Variants in ITIH2 observed in about 807,000 individuals in gnomAD.
The protein encoded by ITIH2 is inter-alpha-trypsin inhibitor heavy chain 2.
A neutral mutation model predicts 104.4 loss-of-function variants in ITIH2; 103 were observed. The observed-to-expected ratio is 0.99, with a 90% CI of 0.84 to 1.16. ITIH2 has a LOEUF of 1.16. Among genes scored for constraint, ITIH2 ranks in the 50% most tolerant of loss-of-function variants. The pLI is 0.00. For missense variants in ITIH2, 1,108 were observed against 1,162.4 expected, an observed-to-expected ratio of 0.95 and a Z score of 0.68; for synonymous variants, 436 against 435.4, an observed-to-expected ratio of 1.00 and a Z score of -0.02.
chr10:7,705,924 G>A (rs765636089), intron 2 of ITIH2, among the ~76,000 whole-genome samples: 8 of 151,980 alleles, frequency 5.3e-5, no homozygotes, highest in African/African-American at 1.5e-4. Flanking sequence ...CAATCCTGGC[G>A]GCCACCAGCA....
In ITIH2 at chr10:7,727,020, A is replaced by G; in HGVS notation, c.1055A>G (p.Asn352Ser). The change falls in exon 10 of 21, where the codon AAC (asparagine) becomes AGC (serine). Residue 352 changes from asparagine to serine, a missense_variant. Physicochemically the swap from Asn to Ser is conservative, Grantham distance 46. Coordinates refer to ENST00000358415, the MANE Select transcript of ITIH2 (RefSeq NM_002216.3). ...AEDHFSVIDF[N>S]QNIRTWRNDL... ...GACCATTTCTCTGTGATTGATTTCAACCAGAACATTCGAACTTGGAGAAAT... is the reference window on the plus strand; with the variant it reads ...GACCATTTCTCTGTGATTGATTTCAGCCAGAACATTCGAACTTGGAGAAAT... 1 of 1,614,040 alleles carries G rather than the reference A, an allele frequency of 6.2e-7. No homozygotes were observed. The highest frequency in any genetic ancestry group is 8.5e-7 in the Non-Finnish European group (1 of 1,179,886).
intron 12 of ITIH2, among the ~76,000 whole-genome samples, chr10:7,730,606 GC>G (rs1264301560): frequency 1.3e-5 from 2 of 152,152 alleles, no homozygotes; most frequent in Non-Finnish European, 2.9e-5. Flanking sequence ...GATCACTCGA[GC>G]CCAGAGGTTT....
intron 16 of ITIH2, among the ~76,000 whole-genome samples, chr10:7,741,573 G>A (rs988259308): frequency 6.6e-6 from 1 of 152,200 alleles, no homozygotes; most frequent in Non-Finnish European, 1.5e-5. Flanking sequence ...CTGGAGGTGT[G>A]AACTGAACAT....
Position 7,738,721 on chromosome 10 carries a change from G to A in ITIH2, c.2058G>A (p.Gln686=). The A allele has an allele frequency of 3.7e-6, 6 of 1,613,490 alleles. No individual in the cohort carries two copies. Among genetic ancestry groups the A allele is most frequent in the Non-Finnish European group, 4.2e-6 (5 of 1,179,714 alleles). ...TCTCCATGCTGGCACAAGGATCTCA[G>A]GTGCTAGAGTCCACGCCACCCCCAC... ...PVISMLAQGS[Q]VLESTPPPHV... Residue 686 remains glutamine, a synonymous_variant, in exon 16 of 21, where the codon CAG becomes CAA. Coordinates refer to ENST00000358415, the MANE Select transcript of ITIH2 (RefSeq NM_002216.3).
intron 20 of ITIH2, among the ~76,000 whole-genome samples, chr10:7,748,248 A>ATG (rs1491140023): frequency 1.9e-4 from 4 of 20,614 alleles, no homozygotes; most frequent in Non-Finnish European, 5.4e-4. Flanking sequence ...ATATGTATAC[A>ATG]TATATATATA....
chr10:7,724,725 G>A (rs1834937129), intron 9 of ITIH2, among the ~76,000 whole-genome samples: 1 of 151,990 alleles, frequency 6.6e-6, no homozygotes, highest in Non-Finnish European at 1.5e-5. Flanking sequence ...GTCATTCCTT[G>A]TTGTAGGAGG....
intron 15 of ITIH2, 94 bp from the exon 16 acceptor site, chr10:7,738,527 A>G: frequency 7.2e-7 from 1 of 1,395,706 alleles, no homozygotes; most frequent in Non-Finnish European, 1.0e-6. Context: ...AGCTGACAAT[A>G]CCTGGGGGTG....
chr10:7,727,109 C>G lies in ITIH2; in HGVS notation c.1144C>G (p.Pro382Ala). The G allele has an allele frequency of 6.2e-7, 1 of 1,613,104 alleles. No individual in the cohort carries two copies. Among genetic ancestry groups the G allele is most frequent in the Non-Finnish European group, 8.5e-7 (1 of 1,179,372 alleles). The change falls in exon 10 of 21, where the codon CCC becomes GCC. Residue 382 changes from proline to alanine, a missense_variant. Physicochemically the swap from Pro to Ala is conservative, Grantham distance 27. Coordinates refer to ENST00000358415, the MANE Select transcript of ITIH2 (RefSeq NM_002216.3). ...DAKRYIEKIQPSGGTNINEAL... is the reference protein window; with the variant it reads ...DAKRYIEKIQASGGTNINEAL... ...CAAGAGGTATATTGAGAAAATCCAG[C>G]CCAGTGGAGGTGAGTGTGTTGGGCT... is the stretch of plus-strand genomic sequence containing the variant.
intron 7 of ITIH2, among the ~76,000 whole-genome samples, chr10:7,721,181 A>C (rs1834899319): frequency 6.6e-6 from 1 of 152,108 alleles, no homozygotes; most frequent in Admixed American, 6.5e-5. Flanking sequence ...TCCCTTTTTG[A>C]GTCTCATTTC....
chr10:7,723,333 T>C (rs1476795391), intron 8 of ITIH2, 118 bp from the exon 9 acceptor site: 17 of 728,168 alleles, frequency 2.3e-5, no homozygotes, highest in East Asian at 4.9e-5. Context: ...CAAATGCACA[T>C]CAAGCTCCGC....
intron 15 of ITIH2, among the ~76,000 whole-genome samples, chr10:7,737,682 T>TATATTATATTCTATATA: frequency 3.8e-5 from 1 of 26,370 alleles, no homozygotes; most frequent in Admixed American, 6.4e-4. Context: ...CTATATTTTC[T>TATATTATATTCTATATA]ATATTATATT....
chr10:7,730,211 A>G (rs972523224), intron 12 of ITIH2, 78 bp downstream of exon 12: 2 of 1,085,058 alleles, frequency 1.8e-6, no homozygotes, highest in Non-Finnish European at 2.7e-6. Context: ...GGTATGATGC[A>G]TAACTGAACT....
rs186471875 is a variant in ITIH2, at chr10:7,712,790, G to C, written c.363-391G>C. On this transcript the variant is annotated intron_variant, in intron 4 of 20. Coordinates refer to ENST00000358415, the MANE Select transcript of ITIH2 (RefSeq NM_002216.3). ...TGCCCTCATTCATTAAATTAGCCTT[G>C]TTGGGTTGTTTGCTCGCTCTTGTTT... Among the ~76,000 whole-genome samples the C allele has an allele frequency of 2.3e-4, 35 of 152,238 alleles. No individual in the cohort carries two copies. In the East Asian group the frequency reaches 4.5e-3, roughly 19 times the overall value.
Position 7,705,097 on chromosome 10 carries a change from T to A in ITIH2, c.85-11T>A. On this transcript the variant is annotated splice_polypyrimidine_tract_variant and intron_variant, in intron 1 of 20. Coordinates refer to ENST00000358415, the MANE Select transcript of ITIH2 (RefSeq NM_002216.3). The stretch of plus-strand genomic sequence containing the variant: ...AAAAAAAAAAAAGTTAAAATCCTAA[T>A]TTTTTTTAAGTTTGTAGACTATGAA... 3 of 1,554,250 alleles carry A rather than the reference T, an allele frequency of 1.9e-6. No individual in the cohort carries two copies. The highest frequency in any genetic ancestry group is 2.6e-6 in the Non-Finnish European group (3 of 1,143,998).
chr10:7,725,103 G>T (rs971414871), intron 9 of ITIH2, among the ~76,000 whole-genome samples: 1 of 152,116 alleles, frequency 6.6e-6, no homozygotes, highest in African/African-American at 2.4e-5. Flanking sequence ...TGAGGGATAG[G>T]GGACAGAGAA....
At position 7,731,858 on chromosome 10, in the gene ITIH2, C is replaced by T; in HGVS notation, c.1509C>T (p.Phe503=). Residue 503 remains phenylalanine, a synonymous_variant, in exon 13 of 21, where the codon TTC becomes TTT. Coordinates refer to ENST00000358415, the MANE Select transcript of ITIH2 (RefSeq NM_002216.3). ...VSTPLLRNVQ[F]NYPHTSVTDV... is the part of the protein sequence containing the mutation. ...CTCCATTGCTCCGGAATGTTCAGTT[C>T]AACTATCCCCATACATCAGTCACGG... The T allele has an allele frequency of 1.2e-6, 2 of 1,613,552 alleles. No homozygotes were observed. The highest frequency in any genetic ancestry group is 2.2e-5 in the East Asian group (1 of 44,880).
intron 4 of ITIH2, among the ~76,000 whole-genome samples, chr10:7,712,957 A>G (rs1834811020): frequency 7.8e-6 from 1 of 128,234 alleles, no homozygotes; most frequent in African/African-American, 3.0e-5. Context: ...AATCTCTACT[A>G]AAAATACAAA....
At chr10:7,734,842 G>T in intron 14 of ITIH2, 80 bp from the exon 15 acceptor site, 1 of 1,260,626 alleles carries the variant, frequency 7.9e-7, no homozygotes, top group Non-Finnish European at 1.1e-6. Context: ...AGCAGTGGTG[G>T]GGTGCAGGGT....
In ITIH2 at chr10:7,709,101, AGAG is replaced by A. The variant is rs775496117; in HGVS notation, c.273_275del (p.Gln91_Ser92delinsHis). ...TCTCGGATGGCCACCACCATGATCC[AGAG>A]CAAAGTGGTGAACAATTCCCCGCAG... is the stretch of plus-strand genomic sequence containing the variant. On this transcript the variant is annotated inframe_deletion, in exon 4 of 21. Coordinates refer to ENST00000358415, the MANE Select transcript of ITIH2 (RefSeq NM_002216.3). The A allele has an allele frequency of 6.2e-7, 1 of 1,613,948 alleles. No homozygotes were observed. Among genetic ancestry groups the A allele is most frequent in the Non-Finnish European group, 8.5e-7 (1 of 1,179,902 alleles).
Sources: allele counts gnomAD v4.1 joint callset (sites outside exome capture counted in the v4.1 genomes callset), GRCh38; gene constraint gnomAD v4.1.1; transcripts MANE v1.5; gene names NCBI Gene and HGNC (gene_info 2026-07-23, HGNC 2026-07-21).